PRSS23: variants seen among roughly 807,000 people sequenced by gnomAD.
The protein encoded by PRSS23 is protease, serine 23.
PRSS23 carries 25 observed loss-of-function variants against 34.7 expected under a neutral mutation model. That is an observed-to-expected ratio of 0.72 (90% CI 0.53 to 1.01). The LOEUF is 1.01. Ranked by LOEUF, PRSS23 falls within the 50% of genes least tolerant of loss-of-function variation. PRSS23 has a pLI of 0.00. For synonymous variants in PRSS23, 176 were observed against 186.6 expected (o/e 0.94, Z 0.46); for missense variants, 445 against 475.6 (o/e 0.94, Z 0.60).
chr11:86,855,633 C>T (rs1366827888), intron 2 of PRSS23, among the ~76,000 whole-genome samples: 1 of 152,144 alleles, frequency 6.6e-6, no homozygotes, highest in African/African-American at 2.4e-5. Context: ...GTAGCTGGGA[C>T]TGCAGGCATG....
At chr11:86,883,689 T>C (rs1271162858) in intron 2 of PRSS23, among the ~76,000 whole-genome samples, 1 of 152,178 alleles carries the variant, frequency 6.6e-6, no homozygotes, top group Admixed American at 6.5e-5. Context: ...AAGGACTTAA[T>C]CTATTTTTAA....
intron 2 of PRSS23, among the ~76,000 whole-genome samples, chr11:86,827,961 G>A (rs1252578192): frequency 2.0e-5 from 3 of 152,312 alleles, no homozygotes; most frequent in East Asian, 1.9e-4. Context: ...TGAGAAAAAT[G>A]TATATTCTGT....
At chr11:86,794,860 T>TA (rs1210730586) in intron 1 of PRSS23, among the ~76,000 whole-genome samples, 1 of 152,058 alleles carries the variant, frequency 6.6e-6, no homozygotes, top group East Asian at 1.9e-4. Context: ...GATTTTGCCC[T>TA]AAAAAAACAC....
chr11:86,890,930 A>C (rs1475713930), intron 2 of PRSS23, among the ~76,000 whole-genome samples: 1 of 152,216 alleles, frequency 6.6e-6, no homozygotes, highest in Non-Finnish European at 1.5e-5. Context: ...TATTAAGGTT[A>C]ATCAGGGTTC....
At chr11:86,894,316 T>G (rs1001724803) in intron 2 of PRSS23, among the ~76,000 whole-genome samples, 1 of 152,204 alleles carries the variant, frequency 6.6e-6, no homozygotes, top group African/African-American at 2.4e-5. Flanking sequence ...AGCCAGAATT[T>G]GTTTGCATAT....
rs1042073452 is a variant in PRSS23 at position 86,802,607 on chromosome 11, T to C, written c.-14+1956T>C. On this transcript the variant is annotated intron_variant, in intron 1 of 1. Transcript: ENST00000280258. ...CCAAAACCTGTATCTTTGCAAACTT[T>C]CCTGCCGTTTCTTTCTGTCATTACT... Among the ~76,000 whole-genome samples the C allele has an allele frequency of 3.3e-5, 5 of 152,232 alleles. No individual in the cohort carries two copies. The East Asian group carries it at 7.7e-4, about 23-fold the overall frequency.
chr11:86,844,373 G>A (rs756916720), intron 2 of PRSS23, among the ~76,000 whole-genome samples: 19 of 151,298 alleles, frequency 1.3e-4, no homozygotes, highest in Non-Finnish European at 2.2e-4. Flanking sequence ...TAACAAACCT[G>A]CAGGTTGTGG....
Position 86,952,141 on chromosome 11 carries a change from G to C in PRSS23, c.*856G>C, listed in dbSNP as rs1018831961. On this transcript the variant is annotated 3_prime_UTR_variant, in exon 3 of 3. Transcript: ENST00000533902. ...AGCGGCTGTATAAGCCAGCATCATA[G>C]CCACACTTGAGCACACAGTTCAGGC... The C allele has an allele frequency of 6.2e-7, 1 of 1,613,174 alleles. No homozygotes were observed. The highest frequency in any genetic ancestry group is 8.5e-7 in the Non-Finnish European group (1 of 1,179,302).
chr11:86,881,420 A>T (rs1332156049), intron 2 of PRSS23, among the ~76,000 whole-genome samples: 6 of 152,042 alleles, frequency 3.9e-5, no homozygotes, highest in Non-Finnish European at 7.4e-5. Context: ...CATATATTGA[A>T]ACAAACCTGC....
At chr11:86,879,538 G>A (rs1948754693) in intron 2 of PRSS23, among the ~76,000 whole-genome samples, 1 of 140,588 alleles carries the variant, frequency 7.1e-6, no homozygotes, top group Non-Finnish European at 1.6e-5. Flanking sequence ...CCCCGTCCGG[G>A]AGGGAGGTGG....
chr11:86,846,925 C>T (rs573956572), intron 2 of PRSS23, among the ~76,000 whole-genome samples: 5 of 152,170 alleles, frequency 3.3e-5, no homozygotes, highest in Admixed American at 6.5e-5. Context: ...ATAGTAGAAG[C>T]CTTAGGGCAT....
intron 2 of PRSS23, among the ~76,000 whole-genome samples, chr11:86,854,446 T>C (rs1269001360): frequency 2.0e-5 from 3 of 152,238 alleles, no homozygotes; most frequent in African/African-American, 7.2e-5. Context: ...CAAATATTTT[T>C]CCTAATCCAT....
intron 2 of PRSS23, among the ~76,000 whole-genome samples, chr11:86,884,453 C>T (rs1257341485): frequency 6.6e-6 from 1 of 152,132 alleles, no homozygotes; most frequent in Non-Finnish European, 1.5e-5. Context: ...GCACGTGCCA[C>T]CAAACTCAAC....
rs371850887 is a variant in PRSS23, at chr11:86,878,316, G to A, written c.206+54723G>A. Among the ~76,000 whole-genome samples, 116 of 145,770 alleles carry A rather than the reference G, an allele frequency of 8.0e-4. 5 individuals carry two copies. The East Asian group carries it at 0.023, about 29-fold the overall frequency. On this transcript the variant is annotated intron_variant, in intron 2 of 2. Coordinates refer to the PRSS23 transcript ENST00000533902. The stretch of plus-strand genomic sequence containing the variant: ...CACGGTCTCCCACTGATGCCCAGCC[G>A]AAGCTGGACTGTACTGCTGCCATCT...
intron 2 of PRSS23, among the ~76,000 whole-genome samples, chr11:86,843,375 A>T (rs898044097): frequency 1.3e-5 from 2 of 152,186 alleles, no homozygotes; most frequent in African/African-American, 2.4e-5. Context: ...AGACTTCATG[A>T]CTAAAACACC....
intron 1 of PRSS23, among the ~76,000 whole-genome samples, chr11:86,818,920 T>C (rs531187774): frequency 2.0e-5 from 3 of 152,328 alleles, no homozygotes; most frequent in African/African-American, 7.2e-5. Context: ...CTTTGTGCTG[T>C]TTTTAACTTT....
intron 2 of PRSS23, among the ~76,000 whole-genome samples, chr11:86,861,165 T>C (rs555064158): frequency 9.7e-5 from 14 of 144,548 alleles, no homozygotes; most frequent in African/African-American, 2.8e-4. Context: ...GAGAGGAAGG[T>C]GATATTACTC....
chr11:86,914,563 A>C (rs1393565387), intron 2 of PRSS23, among the ~76,000 whole-genome samples: 1 of 152,250 alleles, frequency 6.6e-6, no homozygotes, highest in South Asian at 2.1e-4. Flanking sequence ...AAATGTAATT[A>C]ATCTATATTT....
At chr11:86,900,420 G>T (rs1471416094) in intron 2 of PRSS23, among the ~76,000 whole-genome samples, 1 of 152,164 alleles carries the variant, frequency 6.6e-6, no homozygotes, top group East Asian at 1.9e-4. Flanking sequence ...ATGCATATCT[G>T]ATCCATTCTG....
Sources: gnomAD v4.1 joint callset for allele counts (sites outside exome capture counted in the v4.1 genomes callset) on GRCh38, gnomAD v4.1.1 for gene constraint, MANE v1.5 for transcripts, NCBI Gene and HGNC (gene_info 2026-07-23, HGNC 2026-07-21) for gene names.